The following ELK3 variants were observed in gnomAD, a reference collection of about 807,000 sequenced individuals.
The protein encoded by ELK3 is ETS domain-containing protein Elk-3.
Under a neutral mutation model 28.9 loss-of-function variants are expected in ELK3, and 10 were observed. That is an observed-to-expected ratio of 0.35 (90% CI 0.21 to 0.59). The LOEUF (loss-of-function observed/expected upper bound fraction) is 0.59. Among genes scored for constraint, ELK3 ranks in the 20% least tolerant of loss-of-function variants. ELK3 has a pLI of 0.82. For missense variants in ELK3, 463 were observed against 517.3 expected (o/e 0.90, Z 1.02); for synonymous variants, 272 against 243.5 (o/e 1.12, Z -1.09).
intron 1 of ELK3, among the ~76,000 whole-genome samples, chr12:96,203,726 A>G (rs1421207781): frequency 6.6e-6 from 1 of 152,170 alleles, no homozygotes; most frequent in Non-Finnish European, 1.5e-5. Flanking sequence ...AGATCACTTG[A>G]GGTTAGAAGT....
At chr12:96,263,767 C>G (rs1952010465) in intron 4 of ELK3, among the ~76,000 whole-genome samples, 1 of 152,108 alleles carries the variant, frequency 6.6e-6, no homozygotes, top group Non-Finnish European at 1.5e-5. Flanking sequence ...AGAGTCTGTT[C>G]AGGAAGGGAC....
At chr12:96,226,100 C>T (rs1027565192) in intron 2 of ELK3, among the ~76,000 whole-genome samples, 1 of 152,004 alleles carries the variant, frequency 6.6e-6, no homozygotes, top group Non-Finnish European at 1.5e-5. Flanking sequence ...CCACTGCACT[C>T]CAGCTTGGGC....
At chr12:96,259,656 C>T in intron 3 of ELK3, 75 bp from the exon 4 acceptor site, 1 of 1,497,680 alleles carries the variant, frequency 6.7e-7, no homozygotes, top group African/African-American at 1.4e-5. Flanking sequence ...TACCTAACCT[C>T]TCTCTGCTGC....
intron 2 of ELK3, among the ~76,000 whole-genome samples, chr12:96,236,386 G>A (rs927717582): frequency 6.6e-5 from 10 of 152,172 alleles, no homozygotes; most frequent in African/African-American, 2.2e-4. Flanking sequence ...GATGAAGAGC[G>A]CCTCAACTTC....
intron 3 of ELK3, among the ~76,000 whole-genome samples, chr12:96,255,777 A>G (rs2137039341): frequency 6.6e-6 from 1 of 152,286 alleles, no homozygotes; most frequent in Admixed American, 6.5e-5. Context: ...TGGCAAGGAA[A>G]TATATTTTGG....
chr12:96,254,687 C>CT (rs750509682), intron 3 of ELK3, among the ~76,000 whole-genome samples: 4 of 151,976 alleles, frequency 2.6e-5, no homozygotes, highest in African/African-American at 4.8e-5. Flanking sequence ...GAGCTCATAA[C>CT]TTAAGTCCCT....
intron 2 of ELK3, among the ~76,000 whole-genome samples, chr12:96,234,373 A>G (rs1951765041): frequency 6.6e-6 from 1 of 152,138 alleles, no homozygotes; most frequent in South Asian, 2.1e-4. Flanking sequence ...CCAAGCCCAC[A>G]CCGAGTCTGC....
At chr12:96,206,248 A>G (rs1951537439) in intron 1 of ELK3, among the ~76,000 whole-genome samples, 1 of 152,078 alleles carries the variant, frequency 6.6e-6, no homozygotes, top group African/African-American at 2.4e-5. Context: ...GCACCAGATG[A>G]TTCAAATATT....
chr12:96,240,242 G>A (rs1951811175), intron 2 of ELK3, among the ~76,000 whole-genome samples: 1 of 151,978 alleles, frequency 6.6e-6, no homozygotes, highest in Admixed American at 6.5e-5. Flanking sequence ...AGCAGAATAT[G>A]CGCAGCCTTC....
intron 1 of ELK3, among the ~76,000 whole-genome samples, chr12:96,223,115 G>A (rs946732290): frequency 1.3e-5 from 2 of 152,120 alleles, no homozygotes; most frequent in South Asian, 2.1e-4. Flanking sequence ...CTCCAACGTT[G>A]GGGATTACAA....
Position 96,247,529 on chromosome 12 carries a change from A to G in ELK3, c.797A>G (p.His266Arg), listed in dbSNP as rs779142846. 2 of 1,613,716 alleles carry G rather than the reference A, an allele frequency of 1.2e-6. No individual in the cohort carries two copies. The highest frequency in any genetic ancestry group is 3.3e-5 in the Admixed American group (2 of 59,992). ...AGCCTCTTCCTGGAGGCCGCCTGCC[A>G]TGACTCCGATTCCCTGGAGCCCTTG... Reference protein sequence around the residue: ...HRSLFLEAACHDSDSLEPLNL... With the variant: ...HRSLFLEAACRDSDSLEPLNL... The change falls in exon 3 of 5, where the codon CAT (histidine) becomes CGT (arginine). Residue 266 changes from histidine to arginine, a missense_variant. Transcript: ENST00000228741. The surrounding 1 kb of genome is among the most constrained non-coding windows in gnomAD (Gnocchi z 5.5).
intron 2 of ELK3, among the ~76,000 whole-genome samples, chr12:96,241,458 G>GTACA (rs1555195188): frequency 6.6e-6 from 1 of 151,444 alleles, no homozygotes; most frequent in East Asian, 1.9e-4. Context: ...GTGTGTGTGT[G>GTACA]TACATATGTA....
At chr12:96,226,369 T>A (rs1951699566) in intron 2 of ELK3, among the ~76,000 whole-genome samples, 1 of 152,228 alleles carries the variant, frequency 6.6e-6, no homozygotes, top group Non-Finnish European at 1.5e-5. Flanking sequence ...TATCCTGTTG[T>A]ATCATGTAGA....
chr12:96,199,930 GGATCTA>G (rs1951498105), intron 1 of ELK3, among the ~76,000 whole-genome samples: 2 of 151,960 alleles, frequency 1.3e-5, no homozygotes, highest in Non-Finnish European at 2.9e-5. Flanking sequence ...TCTAAAACAA[GGATCTA>G]TTTATGACAC....
chr12:96,253,169 A>G (rs1292010432), intron 3 of ELK3, among the ~76,000 whole-genome samples: 1 of 152,236 alleles, frequency 6.6e-6, no homozygotes, highest in South Asian at 2.1e-4. Flanking sequence ...CTGAGGCAGG[A>G]GAATCACTTG....
intron 3 of ELK3, among the ~76,000 whole-genome samples, chr12:96,250,440 G>A (rs1375939734): frequency 2.0e-5 from 3 of 152,168 alleles, no homozygotes; most frequent in Non-Finnish European, 4.4e-5. Flanking sequence ...TAGGATTAGG[G>A]TATGTCAGTG....
intron 1 of ELK3, among the ~76,000 whole-genome samples, chr12:96,199,661 A>G (rs186792865): frequency 6.1e-4 from 93 of 152,330 alleles, no homozygotes; most frequent in African/African-American, 2.1e-3. Context: ...AGATTTACAT[A>G]TATGTCAGCA....
intron 2 of ELK3, among the ~76,000 whole-genome samples, chr12:96,232,498 G>A (rs1339276313): frequency 6.6e-6 from 1 of 151,756 alleles, no homozygotes; most frequent in Admixed American, 6.6e-5. Context: ...TTGAACCTGG[G>A]AGGTGGAGAT....
intron 1 of ELK3, among the ~76,000 whole-genome samples, chr12:96,216,975 C>T (rs1431324992): frequency 1.3e-5 from 2 of 152,236 alleles, no homozygotes; most frequent in African/African-American, 4.8e-5. Context: ...AGCTAAACAG[C>T]TGGATGCGAT....
Sources: gnomAD v4.1 joint callset for allele counts (sites outside exome capture counted in the v4.1 genomes callset) on GRCh38, gnomAD v4.1.1 for gene constraint, Gnocchi (gnomAD v3.1) non-coding constraint, MANE v1.5 for transcripts, NCBI Gene and HGNC (gene_info 2026-07-23, HGNC 2026-07-21) for gene names.